Variants in LNX2 observed in about 807,000 individuals in gnomAD.
LNX2 encodes the protein ligand of Numb protein X 2.
A neutral mutation model predicts 66.2 loss-of-function variants in LNX2; 35 were observed. That is an observed-to-expected ratio of 0.53 (90% confidence interval 0.40 to 0.70). LNX2 has a LOEUF of 0.70. LNX2 is among the 30% of genes least tolerant of loss of function. The pLI is 0.00. For missense variants in LNX2, 791 were observed against 850.8 expected, an observed-to-expected ratio of 0.93 and a Z score of 0.87; for synonymous variants, 337 against 315.6, an observed-to-expected ratio of 1.07 and a Z score of -0.72.
intron 4 of LNX2, among the ~76,000 whole-genome samples, chr13:27,567,154 T>G (rs1158828483): frequency 6.6e-6 from 1 of 152,154 alleles, no homozygotes; most frequent in Non-Finnish European, 1.5e-5. Context: ...ATTTCTGAAC[T>G]CTATCTTATA....
intron 1 of LNX2, among the ~76,000 whole-genome samples, chr13:27,618,102 TCA>T (rs1955846704): frequency 6.6e-6 from 1 of 152,180 alleles, no homozygotes. Flanking sequence ...CGTTTTAATT[TCA>T]CAGCCAGCTT....
Position 27,581,779 on chromosome 13 carries a change from C to T in LNX2, c.-76G>A. On this transcript the variant is annotated 5_prime_UTR_variant, in exon 2 of 10. Coordinates refer to ENST00000316334, the MANE Select transcript of LNX2 (RefSeq NM_153371.4). Reference sequence around the variant, plus strand: ...TTTCCTTTAACAGACAGTGATGTATCTGACTAAAGTCAAGGTGTGTTTTTC... The same window carrying T: ...TTTCCTTTAACAGACAGTGATGTATTTGACTAAAGTCAAGGTGTGTTTTTC... The T allele has an allele frequency of 7.9e-7, 1 of 1,272,078 alleles. No homozygotes were observed. Among genetic ancestry groups the T allele is most frequent in the Non-Finnish European group, 1.1e-6 (1 of 924,062 alleles). 78.8% of individuals were successfully genotyped at this position (1,272,078 alleles called of 1,614,324 possible).
At chr13:27,595,420 C>G (rs1167938783) in intron 1 of LNX2, among the ~76,000 whole-genome samples, 1 of 152,194 alleles carries the variant, frequency 6.6e-6, no homozygotes, top group Non-Finnish European at 1.5e-5. Flanking sequence ...TCTATACCCC[C>G]ATGCCTGACA....
At chr13:27,607,882 G>A (rs545916695) in intron 1 of LNX2, among the ~76,000 whole-genome samples, 2 of 152,266 alleles carry the variant, frequency 1.3e-5, no homozygotes, top group East Asian at 3.9e-4. Flanking sequence ...ATGAAACCTG[G>A]AGATCAGCTG....
chr13:27,554,096 C>T (rs922490542), intron 7 of LNX2, among the ~76,000 whole-genome samples: 1 of 152,152 alleles, frequency 6.6e-6, no homozygotes, highest in African/African-American at 2.4e-5. Flanking sequence ...GACATTTGTG[C>T]TACAAAGTCT....
intron 1 of LNX2, among the ~76,000 whole-genome samples, chr13:27,589,438 A>G (rs1955525821): frequency 6.6e-6 from 1 of 152,202 alleles, no homozygotes; most frequent in African/African-American, 2.4e-5. Context: ...ATATAATAAA[A>G]CACTTATTGG....
intron 5 of LNX2, among the ~76,000 whole-genome samples, chr13:27,561,414 G>A (rs1955134321): frequency 6.6e-6 from 1 of 151,970 alleles, no homozygotes; most frequent in African/African-American, 2.4e-5. Flanking sequence ...CTTACAAGAT[G>A]AGCTGGGTTT....
intron 2 of LNX2, among the ~76,000 whole-genome samples, chr13:27,572,149 C>A (rs1955288724): frequency 6.6e-6 from 1 of 152,072 alleles, no homozygotes; most frequent in South Asian, 2.1e-4. Context: ...AAATTTGTAC[C>A]TAGAAACACA....
At chr13:27,562,892 A>T (rs1955155224) in intron 4 of LNX2, 111 bp from the exon 5 acceptor site, 1 of 1,034,504 alleles carries the variant, frequency 9.7e-7, no homozygotes, top group African/African-American at 1.6e-5. Flanking sequence ...AGTGCTAAGT[A>T]TGGTGAGAAT....
At chr13:27,556,462 G>A (rs750075552) in intron 6 of LNX2, 49 bp from the exon 7 acceptor site, 1 of 1,502,286 alleles carries the variant, frequency 6.7e-7, no homozygotes, top group South Asian at 1.2e-5. Flanking sequence ...AAATATAGTT[G>A]AAGTAAAGTT....
At chr13:27,590,566 G>A (rs967038930) in intron 1 of LNX2, among the ~76,000 whole-genome samples, 1 of 152,002 alleles carries the variant, frequency 6.6e-6, no homozygotes, top group African/African-American at 2.4e-5. Context: ...GTAAATGTTA[G>A]CAGCATAGAT....
At chr13:27,587,671 A>G (rs1955502656) in intron 1 of LNX2, among the ~76,000 whole-genome samples, 1 of 152,232 alleles carries the variant, frequency 6.6e-6, no homozygotes, top group African/African-American at 2.4e-5. Flanking sequence ...GTATCAACAC[A>G]GGAAAATTTT....
At chr13:27,612,041 A>C (rs2138481703) in intron 1 of LNX2, among the ~76,000 whole-genome samples, 1 of 152,354 alleles carries the variant, frequency 6.6e-6, no homozygotes, top group South Asian at 2.1e-4. Context: ...ATTTGGAAAA[A>C]CAGATCTGAG....
chr13:27,611,629 T>C (rs1275949374), intron 1 of LNX2, among the ~76,000 whole-genome samples: 2 of 152,252 alleles, frequency 1.3e-5, no homozygotes, highest in Admixed American at 1.3e-4. Context: ...TATTATTCTG[T>C]TAAATATTCA....
At chr13:27,585,641 C>CA (rs1955476619) in intron 1 of LNX2, among the ~76,000 whole-genome samples, 3 of 152,148 alleles carry the variant, frequency 2.0e-5, no homozygotes, top group Admixed American at 2.0e-4. Flanking sequence ...CTCAGCCAGA[C>CA]AGACACGTCC....
chr13:27,599,374 A>G (rs1026911928), intron 1 of LNX2, among the ~76,000 whole-genome samples: 1 of 152,114 alleles, frequency 6.6e-6, no homozygotes, highest in Non-Finnish European at 1.5e-5. Flanking sequence ...TTCTAAGGCC[A>G]CTCACCACTA....
At chr13:27,552,762 A>G (rs564016553) in intron 8 of LNX2, among the ~76,000 whole-genome samples, 141 of 152,362 alleles carry the variant, frequency 9.3e-4, no homozygotes, top group Middle Eastern at 3.4e-3. Flanking sequence ...CTTGTATCCA[A>G]TAAAAATTGA....
At chr13:27,600,178 T>A (rs1366019380) in intron 1 of LNX2, among the ~76,000 whole-genome samples, 1 of 152,138 alleles carries the variant, frequency 6.6e-6, no homozygotes, top group African/African-American at 2.4e-5. Context: ...ACAAAGACAT[T>A]TACTAGCCAA....
intron 1 of LNX2, among the ~76,000 whole-genome samples, chr13:27,617,971 T>C (rs1010096396): frequency 6.6e-6 from 1 of 152,264 alleles, no homozygotes; most frequent in Non-Finnish European, 1.5e-5. Context: ...CCAAAGGCAT[T>C]ACATGCATAA....
Sources: allele counts gnomAD v4.1 joint callset (sites outside exome capture counted in the v4.1 genomes callset), GRCh38; gene constraint gnomAD v4.1.1; transcripts MANE v1.5; gene names NCBI Gene and HGNC (gene_info 2026-07-23, HGNC 2026-07-21).